Variants in CNTN1 observed in about 807,000 individuals in gnomAD.
CNTN1 encodes contactin-1.
Under a neutral mutation model 126.4 loss-of-function variants are expected in CNTN1, and 38 were observed. That is an observed-to-expected ratio of 0.30 (90% CI 0.23 to 0.39). The LOEUF (loss-of-function observed/expected upper bound fraction) is 0.39. CNTN1 is among the 10% of genes least tolerant of loss of function. The pLI, the probability that CNTN1 is intolerant of heterozygous loss-of-function variation, is 1.00. For synonymous variants in CNTN1, 413 were observed against 422.6 expected, an observed-to-expected ratio of 0.98 and a Z score of 0.28; for missense variants, 1,009 against 1,248.4, an observed-to-expected ratio of 0.81 and a Z score of 2.89.
intron 14 of CNTN1, among the ~76,000 whole-genome samples, chr12:40,945,958 G>A (rs1946422185): frequency 6.6e-6 from 1 of 151,996 alleles, no homozygotes; most frequent in African/African-American, 2.4e-5. Flanking sequence ...ATCTGACAGT[G>A]GGAGCAAACC....
rs563585159 is a variant in CNTN1, at chr12:40,915,452, T to C, written c.95-3187T>C. On this transcript the variant is annotated intron_variant, in intron 3 of 23. Transcript: ENST00000551295. ...CAGGCCAGGGCTGTCTGTTTCTACA[T>C]TGGAAGTACAATTGTGTAACTGGTC... Among the ~76,000 whole-genome samples the C allele has an allele frequency of 3.9e-5, 6 of 152,264 alleles. No homozygotes were observed. The East Asian group carries it at 1.2e-3, about 29-fold the overall frequency.
intron 17 of CNTN1, among the ~76,000 whole-genome samples, chr12:41,001,352 T>A (rs1948355959): frequency 6.6e-6 from 1 of 152,154 alleles, no homozygotes; most frequent in African/African-American, 2.4e-5. Context: ...TCTCTAATGA[T>A]CATTATGTGG....
At chr12:40,934,801 A>T (rs941302371) in intron 9 of CNTN1, among the ~76,000 whole-genome samples, 1 of 151,924 alleles carries the variant, frequency 6.6e-6, no homozygotes, top group African/African-American at 2.4e-5. Context: ...CTCCACAGAA[A>T]CCTTTCTTTT....
intron 12 of CNTN1, 108 bp from the exon 13 acceptor site, chr12:40,943,489 T>C: frequency 1.2e-6 from 1 of 839,202 alleles, no homozygotes; most frequent in Non-Finnish European, 1.9e-6. Flanking sequence ...GGTCGCATGA[T>C]TTATATAGAA....
chr12:40,959,528 T>TA (rs1353723301), intron 15 of CNTN1, among the ~76,000 whole-genome samples: 1 of 152,158 alleles, frequency 6.6e-6, no homozygotes, highest in Non-Finnish European at 1.5e-5. Flanking sequence ...CGTTTCCTGC[T>TA]AATACTTTTT....
intron 1 of CNTN1, 100 bp from the exon 2 acceptor site, chr12:40,908,257 A>G (rs989914253): frequency 1.8e-5 from 10 of 553,562 alleles, no homozygotes; most frequent in African/African-American, 5.8e-5. Flanking sequence ...AACATTTCCA[A>G]TTTCCTTCCC....
chr12:40,975,725 A>G (rs1947654624), intron 15 of CNTN1, among the ~76,000 whole-genome samples: 1 of 152,146 alleles, frequency 6.6e-6, no homozygotes, highest in Non-Finnish European at 1.5e-5. Context: ...CATCTGAAGT[A>G]CAGAAAGGTA....
rs113221515 is a variant in CNTN1 at position 41,061,352 on chromosome 12, T to A, written c.2981-8607T>A. ...AATGCATCCTGGTGATCTGGTGTTTTCTGACAGGGAAAGGGCCAGAGTCAA... is the reference window on the plus strand; with the variant it reads ...AATGCATCCTGGTGATCTGGTGTTTACTGACAGGGAAAGGGCCAGAGTCAA... On this transcript the variant is annotated intron_variant, in intron 23 of 23. Transcript: ENST00000551295. 4.0e-3 allele frequency among the ~76,000 whole-genome samples: 603 copies of A among 152,282 alleles called. 7 individuals are homozygous for A. The highest frequency in any genetic ancestry group is 0.014 in the African/African-American group (579 of 41,566).
intron 23 of CNTN1, among the ~76,000 whole-genome samples, chr12:41,069,170 C>T (rs17129018): frequency 0.013 from 2,052 of 152,090 alleles, 11 homozygotes; most frequent in Middle Eastern, 0.024. Flanking sequence ...TAAGTGTCAC[C>T]CAAGACGTAA....
intron 14 of CNTN1, among the ~76,000 whole-genome samples, chr12:40,946,777 A>T (rs1020155526): frequency 6.6e-6 from 1 of 152,086 alleles, no homozygotes; most frequent in East Asian, 1.9e-4. Context: ...TTAAGTATGC[A>T]CTGATTTTAG....
intron 1 of CNTN1, among the ~76,000 whole-genome samples, chr12:40,803,721 A>G (rs1940737463): frequency 6.6e-6 from 1 of 151,904 alleles, no homozygotes; most frequent in African/African-American, 2.4e-5. Flanking sequence ...TTACAAGAGT[A>G]GATGAGAATA....
intron 15 of CNTN1, chr12:40,972,797 A>T (rs965120207): frequency 1.9e-5 from 5 of 259,364 alleles, no homozygotes; most frequent in Non-Finnish European, 3.0e-5. Context: ...ACATGTATGA[A>T]TCGTATTAAG....
Position 40,830,962 on chromosome 12 carries a change from T to TACACAC in CNTN1, c.-76-77382_-76-77377dup, listed in dbSNP as rs1297195037. Among the ~76,000 whole-genome samples the TACACAC allele has an allele frequency of 1.5e-3, 191 of 128,786 alleles. 3 individuals carry two copies. The highest frequency in any genetic ancestry group is 1.5e-3 in the Non-Finnish European group (90 of 61,732). 84.5% of individuals were successfully genotyped at this position (128,786 alleles called of 152,430 possible). On this transcript the variant is annotated intron_variant, in intron 1 of 23. Transcript: ENST00000551295. ...ATATATATATATATATATATATATA[T>TACACAC]ACACACACACACACACACTATATAT... is the stretch of plus-strand genomic sequence containing the variant.
chr12:40,907,396 A>C lies in CNTN1; in HGVS notation c.-76-961A>C, dbSNP rs527576164. 3.9e-5 allele frequency among the ~76,000 whole-genome samples: 6 copies of C among 152,314 alleles called. No individual in the cohort carries two copies. The South Asian group carries it at 8.3e-4, about 21-fold the overall frequency. On this transcript the variant is annotated intron_variant, in intron 1 of 23. Transcript: ENST00000551295. The stretch of plus-strand genomic sequence containing the variant: ...TCTGTGAACTTCTTAAGAGCAAGCA[A>C]ACTGTGCCTTTCTTTTTTGAGTCTT...
intron 1 of CNTN1, among the ~76,000 whole-genome samples, chr12:40,782,461 T>G (rs1939841506): frequency 6.6e-6 from 1 of 151,962 alleles, no homozygotes; most frequent in African/African-American, 2.4e-5. Context: ...AATTGAAAAT[T>G]TTTGCTAAAA....
chr12:40,785,224 G>C (rs1939965453), intron 1 of CNTN1, among the ~76,000 whole-genome samples: 1 of 152,062 alleles, frequency 6.6e-6, no homozygotes, highest in Non-Finnish European at 1.5e-5. Context: ...TACAGATGGG[G>C]TAATTTATAA....
chr12:41,003,504 A>G (rs1948416146), intron 17 of CNTN1, among the ~76,000 whole-genome samples: 1 of 151,744 alleles, frequency 6.6e-6, no homozygotes, highest in Non-Finnish European at 1.5e-5. Context: ...TTTTCGGAAT[A>G]GTTTCAGCAG....
intron 1 of CNTN1, among the ~76,000 whole-genome samples, chr12:40,725,410 A>T: frequency 1.0e-5 from 1 of 97,014 alleles, no homozygotes; most frequent in South Asian, 4.4e-4. Flanking sequence ...TCAAAAAAAA[A>T]AAAAAAAAAA....
intron 17 of CNTN1, among the ~76,000 whole-genome samples, chr12:40,996,716 TAA>T (rs1948227428): frequency 6.6e-6 from 1 of 152,242 alleles, no homozygotes; most frequent in Admixed American, 6.5e-5. Context: ...AATAATCTTT[TAA>T]AAGTCATTTT....
Sources: allele counts gnomAD v4.1 joint callset (sites outside exome capture counted in the v4.1 genomes callset), GRCh38; gene constraint gnomAD v4.1.1; transcripts MANE v1.5; gene names NCBI Gene and HGNC (gene_info 2026-07-23, HGNC 2026-07-21).